SLC35F1: variants seen among roughly 807,000 people sequenced by gnomAD.
The protein encoded by SLC35F1 is solute carrier family 35 member F1.
Under a neutral mutation model 48.7 loss-of-function variants are expected in SLC35F1, and 14 were observed. The observed-to-expected ratio is 0.29, with a 90% CI of 0.19 to 0.45. The LOEUF is 0.45. SLC35F1 is among the 20% of genes least tolerant of loss of function. The probability of loss-of-function intolerance (pLI) is 1.00; values close to 1 mark genes in which losing one functional copy is unlikely to be tolerated. For synonymous variants in SLC35F1, 190 were observed against 202.2 expected (o/e 0.94, Z 0.51); for missense variants, 404 against 500.0 (o/e 0.81, Z 1.83).
chr6:118,302,975 A>T (rs1776271380), intron 7 of SLC35F1, among the ~76,000 whole-genome samples: 1 of 73,558 alleles, frequency 1.4e-5, no homozygotes. Flanking sequence ...CAAACAGCTT[A>T]TTTAGAAAAA....
intron 1 of SLC35F1, among the ~76,000 whole-genome samples, chr6:118,066,946 A>G (rs980240844): frequency 6.6e-6 from 1 of 151,964 alleles, no homozygotes; most frequent in African/African-American, 2.4e-5. Context: ...GTCTAACCAG[A>G]TCTCAGGAAT....
intron 1 of SLC35F1, among the ~76,000 whole-genome samples, chr6:118,051,698 CAGA>C (rs1772394493): frequency 6.6e-6 from 1 of 152,066 alleles, no homozygotes; most frequent in South Asian, 2.1e-4. Flanking sequence ...AGTAGGAACT[CAGA>C]GTTATGGTTG....
chr6:118,226,452 A>G (rs1775219360), intron 2 of SLC35F1, among the ~76,000 whole-genome samples: 2 of 150,334 alleles, frequency 1.3e-5, no homozygotes, highest in Non-Finnish European at 2.9e-5. Context: ...AAAACATGGA[A>G]TCAACCTAAG....
At chr6:118,052,436 A>T (rs1242117101) in intron 1 of SLC35F1, among the ~76,000 whole-genome samples, 1 of 152,182 alleles carries the variant, frequency 6.6e-6, no homozygotes. Context: ...GTACCTAGTT[A>T]CTATTGCACA....
chr6:117,933,813 T>G (rs1422224506), intron 1 of SLC35F1, among the ~76,000 whole-genome samples: 2 of 152,068 alleles, frequency 1.3e-5, no homozygotes, highest in Admixed American at 6.5e-5. Flanking sequence ...ATATTCTTCA[T>G]TCAGGTTCTA....
At chr6:118,149,273 T>A (rs1334475705) in intron 1 of SLC35F1, among the ~76,000 whole-genome samples, 1 of 152,078 alleles carries the variant, frequency 6.6e-6, no homozygotes, top group Non-Finnish European at 1.5e-5. Context: ...GGACCACAGA[T>A]CTACCATAGC....
intron 1 of SLC35F1, among the ~76,000 whole-genome samples, chr6:118,049,641 A>T (rs2114908806): frequency 6.6e-6 from 1 of 151,838 alleles, no homozygotes; most frequent in Admixed American, 6.5e-5. Context: ...CCATCAGAGA[A>T]ATGCAAATCA....
At chr6:118,232,011 G>A (rs1027309898) in intron 2 of SLC35F1, among the ~76,000 whole-genome samples, 24 of 152,154 alleles carry the variant, frequency 1.6e-4, no homozygotes, top group African/African-American at 5.8e-4. Context: ...GCTGAAACAT[G>A]AATGTTTCTA....
chr6:117,923,670 T>TATGTATATATACATATATGTAC, intron 1 of SLC35F1, among the ~76,000 whole-genome samples: 1 of 26,820 alleles, frequency 3.7e-5, no homozygotes, highest in Non-Finnish European at 6.0e-5. Context: ...TATATATACA[T>TATGTATATATACATATATGTAC]ATATGTACAT....
At chr6:118,307,301 T>A (rs1321985) in intron 7 of SLC35F1, among the ~76,000 whole-genome samples, 15,008 of 152,186 alleles carry the variant, frequency 0.099, 897 homozygotes, top group Middle Eastern at 0.19. Flanking sequence ...TTTGTGGGGG[T>A]CATTATTCTT....
chr6:117,943,680 G>C (rs1776260579), intron 1 of SLC35F1, among the ~76,000 whole-genome samples: 1 of 152,158 alleles, frequency 6.6e-6, no homozygotes, highest in African/African-American at 2.4e-5. Context: ...TGTGATTGTT[G>C]AAGTGAACAT....
intron 1 of SLC35F1, among the ~76,000 whole-genome samples, chr6:118,122,717 T>C (rs1396675465): frequency 6.6e-6 from 1 of 152,178 alleles, no homozygotes. Flanking sequence ...CAAGCTGTGC[T>C]GTGGCCAAAA....
intron 1 of SLC35F1, among the ~76,000 whole-genome samples, chr6:118,068,390 T>G (rs1772648893): frequency 6.6e-6 from 1 of 152,194 alleles, no homozygotes; most frequent in Non-Finnish European, 1.5e-5. Context: ...AGAATACATT[T>G]TTTTTTCTTC....
chr6:118,051,838 T>A (rs1055598318), intron 1 of SLC35F1, among the ~76,000 whole-genome samples: 1 of 152,170 alleles, frequency 6.6e-6, no homozygotes, highest in African/African-American at 2.4e-5. Context: ...ATGACTTGTC[T>A]TGCTGGGGAA....
At chr6:118,038,091 A>G (rs1380620289) in intron 1 of SLC35F1, among the ~76,000 whole-genome samples, 1 of 152,190 alleles carries the variant, frequency 6.6e-6, no homozygotes, top group Non-Finnish European at 1.5e-5. Flanking sequence ...TATAGATCCC[A>G]TTAACAAGCC....
chr6:118,276,008 A>G (rs1452840942), intron 5 of SLC35F1, among the ~76,000 whole-genome samples: 1 of 152,220 alleles, frequency 6.6e-6, no homozygotes, highest in East Asian at 1.9e-4. Context: ...TAGAAAACTT[A>G]TAGTATAAAA....
intron 4 of SLC35F1, among the ~76,000 whole-genome samples, chr6:118,273,081 TTTTG>T (rs1257889075): frequency 1.3e-5 from 2 of 150,068 alleles, no homozygotes; most frequent in African/African-American, 5.1e-5. Flanking sequence ...TATTTAATCT[TTTTG>T]TTAGTGATAA....
chr6:118,126,998 C>A (rs989215224), intron 1 of SLC35F1, among the ~76,000 whole-genome samples: 6 of 151,736 alleles, frequency 4.0e-5, no homozygotes, highest in African/African-American at 1.5e-4. Context: ...ATTGCCCTGG[C>A]CAGAACTTCC....
intron 3 of SLC35F1, among the ~76,000 whole-genome samples, chr6:118,262,890 G>A (rs1407590315): frequency 5.9e-5 from 9 of 151,984 alleles, no homozygotes; most frequent in African/African-American, 1.2e-4. Flanking sequence ...AGATTGAGGC[G>A]AGCCTGGGCA....
Sources: gnomAD v4.1 joint callset for allele counts (sites outside exome capture counted in the v4.1 genomes callset) on GRCh38, gnomAD v4.1.1 for gene constraint, MANE v1.5 for transcripts, NCBI Gene and HGNC (gene_info 2026-07-23, HGNC 2026-07-21) for gene names.